The following SLC14A2 variants were observed in gnomAD, a reference collection of about 807,000 sequenced individuals.
The protein encoded by SLC14A2 is urea transporter 2.
Under a neutral mutation model 104.6 loss-of-function variants are expected in SLC14A2, and 91 were observed. The observed-to-expected ratio is 0.87, with a 90% confidence interval of 0.73 to 1.04. SLC14A2 has a LOEUF of 1.04. Among genes scored for constraint, SLC14A2 ranks in the 50% least tolerant of loss-of-function variants. The pLI, the probability that SLC14A2 is intolerant of heterozygous loss-of-function variation, is 0.00. For synonymous variants in SLC14A2, 476 were observed against 466.4 expected (o/e 1.02, Z -0.27); for missense variants, 1,189 against 1,156.0 (o/e 1.03, Z -0.41).
At chr18:45,256,535 C>T (rs1037277744) in intron 1 of SLC14A2, among the ~76,000 whole-genome samples, 1 of 152,210 alleles carries the variant, frequency 6.6e-6, no homozygotes, top group Non-Finnish European at 1.5e-5. Flanking sequence ...TCCCTCTTAG[C>T]TAATCCTGTG....
chr18:45,537,879 G>A (rs2043819976), intron 2 of SLC14A2, among the ~76,000 whole-genome samples: 1 of 152,154 alleles, frequency 6.6e-6, no homozygotes, highest in African/African-American at 2.4e-5. Context: ...GAGACAGTGG[G>A]ATATACAGTT....
intron 1 of SLC14A2, among the ~76,000 whole-genome samples, chr18:45,246,208 A>G (rs1293698015): frequency 6.6e-6 from 1 of 152,186 alleles, no homozygotes. Context: ...GCCACGTGAG[A>G]ACACAATGAG....
At chr18:45,617,446 C>T (rs930208612) in intron 1 of SLC14A2, among the ~76,000 whole-genome samples, 2 of 152,108 alleles carry the variant, frequency 1.3e-5, no homozygotes, top group African/African-American at 4.8e-5. Flanking sequence ...CAGCCTGACC[C>T]GCTGGCCCCA....
intron 2 of SLC14A2, among the ~76,000 whole-genome samples, chr18:45,570,063 G>GTCTT (rs1568280431): frequency 6.6e-6 from 1 of 152,190 alleles, no homozygotes; most frequent in Non-Finnish European, 1.5e-5. Flanking sequence ...AGGAAAAAGT[G>GTCTT]TCTTTCATCC....
At chr18:45,293,784 A>G (rs1009830865) in intron 1 of SLC14A2, among the ~76,000 whole-genome samples, 1 of 152,216 alleles carries the variant, frequency 6.6e-6, no homozygotes, top group Non-Finnish European at 1.5e-5. Context: ...AGTTCTACCT[A>G]TTAACATTTG....
chr18:45,553,784 C>G (rs967214259), intron 2 of SLC14A2, among the ~76,000 whole-genome samples: 1 of 152,108 alleles, frequency 6.6e-6, no homozygotes. Flanking sequence ...GAAAGGGACC[C>G]ACACAATCTA....
At chr18:45,423,292 A>G (rs1377427986) in intron 1 of SLC14A2, among the ~76,000 whole-genome samples, 2 of 152,324 alleles carry the variant, frequency 1.3e-5, no homozygotes, top group East Asian at 3.9e-4. Flanking sequence ...ATCCTTCTGA[A>G]AGGTGGTTAT....
intron 2 of SLC14A2, among the ~76,000 whole-genome samples, chr18:45,586,049 G>A (rs1039081786): frequency 2.0e-5 from 3 of 152,188 alleles, no homozygotes; most frequent in East Asian, 3.8e-4. Flanking sequence ...CTGTGGCACC[G>A]ACAAGTAATA....
chr18:45,252,823 G>A (rs2084437164), intron 1 of SLC14A2, among the ~76,000 whole-genome samples: 1 of 141,912 alleles, frequency 7.0e-6, no homozygotes, highest in Non-Finnish European at 1.5e-5. Flanking sequence ...AAATGAGAGA[G>A]CCTAATGGAG....
chr18:45,461,208 A>T (rs78124690), intron 1 of SLC14A2, among the ~76,000 whole-genome samples: 2,431 of 152,226 alleles, frequency 0.016, 60 homozygotes, highest in African/African-American at 0.055. Context: ...AGTGGCTCAA[A>T]CAGAGGTAAA....
intron 2 of SLC14A2, among the ~76,000 whole-genome samples, chr18:45,552,770 G>A (rs149752116): frequency 5.3e-5 from 8 of 152,282 alleles, no homozygotes; most frequent in East Asian, 1.9e-4. Flanking sequence ...TGCAAAAGAC[G>A]TGAGATGGGC....
At chr18:45,531,948 T>G (rs2043697261) in intron 2 of SLC14A2, among the ~76,000 whole-genome samples, 1 of 152,234 alleles carries the variant, frequency 6.6e-6, no homozygotes, top group Non-Finnish European at 1.5e-5. Flanking sequence ...CACCATTTAT[T>G]AAATAGGGAA....
At chr18:45,335,515 C>T (rs935438921) in intron 1 of SLC14A2, among the ~76,000 whole-genome samples, 1 of 152,130 alleles carries the variant, frequency 6.6e-6, no homozygotes, top group African/African-American at 2.4e-5. Context: ...AACCACCAGT[C>T]TTTCATGCCT....
the SLC14A2 span, among the ~76,000 whole-genome samples, chr18:45,206,039 G>A: frequency 1.3e-5 from 2 of 152,222 alleles, no homozygotes; most frequent in Admixed American, 6.5e-5. Flanking sequence ...GGCCGGTGGA[G>A]ATGGATAGGC....
chr18:45,214,282 T>G (rs1306398654), intron 1 of SLC14A2, among the ~76,000 whole-genome samples: 1 of 152,226 alleles, frequency 6.6e-6, no homozygotes, highest in Non-Finnish European at 1.5e-5. Context: ...TGGCAACAGT[T>G]GAATGCTCAA....
At chr18:45,194,807 G>T in the SLC14A2 span, among the ~76,000 whole-genome samples, 1 of 151,742 alleles carries the variant, frequency 6.6e-6, no homozygotes, top group Non-Finnish European at 1.5e-5. Flanking sequence ...CATCATGCCG[G>T]CTAATTTTTT....
At chr18:45,562,941 G>A (rs1163133552) in intron 2 of SLC14A2, among the ~76,000 whole-genome samples, 2 of 152,126 alleles carry the variant, frequency 1.3e-5, no homozygotes, top group South Asian at 2.1e-4. Context: ...TAATTGAGTC[G>A]CCACTGAAAA....
rs1282616674 is a variant in SLC14A2 at position 45,624,809 on chromosome 18, G to A, written c.145G>A (p.Glu49Lys). 2.5e-6 allele frequency: 4 copies of A among 1,611,228 alleles called. No individual in the cohort carries two copies. Among genetic ancestry groups the A allele is most frequent in the Non-Finnish European group, 1.7e-6 (2 of 1,178,688 alleles). Residue 49 changes from glutamate to lysine, a missense_variant, in exon 2 of 20, where the codon GAA (glutamate) becomes AAA (lysine). Physicochemically the swap from Glu to Lys is moderately conservative, Grantham distance 56. Transcript: ENST00000255226. ...PALPLLEMPE[E>K]KDLRSSNEDS... is the part of the protein sequence containing the mutation. ...TCTGCCCCTCCTGGAAATGCCTGAA[G>A]AAAAGGTGAGAAGTGTCCCTCCTAG...
chr18:45,627,954 G>T (rs1020726603), intron 4 of SLC14A2, among the ~76,000 whole-genome samples: 8 of 138,496 alleles, frequency 5.8e-5, no homozygotes, highest in Non-Finnish European at 1.2e-4. Context: ...AGTGAGCCAA[G>T]ATCGTGCCAC....
Sources: gnomAD v4.1 joint callset for allele counts (sites outside exome capture counted in the v4.1 genomes callset) on GRCh38, gnomAD v4.1.1 for gene constraint, MANE v1.5 for transcripts, NCBI Gene and HGNC (gene_info 2026-07-23, HGNC 2026-07-21) for gene names.